The following RTN4 variants were observed in gnomAD, a reference collection of about 807,000 sequenced individuals.
RTN4 encodes reticulon 4.
RTN4 carries 32 observed loss-of-function variants against 90.4 expected under a neutral mutation model. The ratio of observed to expected loss-of-function variants is 0.35; its 90% confidence interval spans 0.27 to 0.48. The LOEUF is 0.48. Among genes scored for constraint, RTN4 ranks in the 20% least tolerant of loss-of-function variants. The pLI, the probability that RTN4 is intolerant of heterozygous loss-of-function variation, is 0.99. For synonymous variants in RTN4, 629 were observed against 552.5 expected (o/e 1.14, Z -1.94); for missense variants, 1,706 against 1,430.2 (o/e 1.19, Z -3.11).
At chr2:55,092,776 T>C (rs1366020374) in intron 1 of RTN4, among the ~76,000 whole-genome samples, 1 of 152,204 alleles carries the variant, frequency 6.6e-6, no homozygotes, top group African/African-American at 2.4e-5. Context: ...TTTTCCAATT[T>C]CAGTTTGGGG....
chr2:55,078,137 C>T (rs1668637042), intron 2 of RTN4, among the ~76,000 whole-genome samples: 1 of 151,798 alleles, frequency 6.6e-6, no homozygotes, highest in Admixed American at 6.6e-5. Flanking sequence ...AGAGCTTGTT[C>T]ATGTAACCAA....
At position 55,083,069 on chromosome 2, in the gene RTN4, C is replaced by T. The variant is rs188818519; in HGVS notation, c.-213-2430G>A. 3.0e-3 allele frequency among the ~76,000 whole-genome samples: 452 copies of T among 152,340 alleles called. 2 individuals are homozygous for T. The highest frequency in any genetic ancestry group is 6.4e-3 in the South Asian group (31 of 4,828). On this transcript the variant is annotated intron_variant, in intron 1 of 3. Transcript: ENST00000427710. ...AAATAACAGTAACAACATCAACAAC[C>T]ATCTAATGTAAACAATAGAGGAATG...
chr2:54,975,719 C>G (rs1677573423), intron 5 of RTN4, among the ~76,000 whole-genome samples: 1 of 152,214 alleles, frequency 6.6e-6, no homozygotes, highest in African/African-American at 2.4e-5. Flanking sequence ...CGAACTCTGA[C>G]TGAATGCTTA....
chr2:55,061,003 G>C (rs1399803001), intron 2 of RTN4, among the ~76,000 whole-genome samples: 3 of 151,598 alleles, frequency 2.0e-5, no homozygotes, highest in Non-Finnish European at 4.4e-5. Flanking sequence ...AGAATGTTAA[G>C]TAAATAACAG....
chr2:55,033,524 C>T (rs1321539802), intron 1 of RTN4, among the ~76,000 whole-genome samples: 1 of 152,186 alleles, frequency 6.6e-6, no homozygotes, highest in Admixed American at 6.5e-5. Context: ...AACCCTACCG[C>T]CTTCTTGTTT....
In RTN4 at chr2:54,984,143, A is replaced by T. The variant is rs550399843; in HGVS notation, c.3222-1490T>A. On this transcript the variant is annotated intron_variant, in intron 4 of 8. Coordinates refer to ENST00000337526, the MANE Select transcript of RTN4 (RefSeq NM_020532.5). ...TAGCCCCATCTCAAATCTCACCCATACATAGAGCCTTATCTGCCAATCTCT... is the reference window on the plus strand; with the variant it reads ...TAGCCCCATCTCAAATCTCACCCATTCATAGAGCCTTATCTGCCAATCTCT... Among the ~76,000 whole-genome samples, 91 of 152,270 alleles carry T rather than the reference A, an allele frequency of 6.0e-4. 1 individual carries two copies. Among genetic ancestry groups the T allele is most frequent in the African/African-American group, 1.9e-3 (78 of 41,544 alleles).
At chr2:55,048,465 G>T (rs995295315) in intron 1 of RTN4, among the ~76,000 whole-genome samples, 1 of 151,946 alleles carries the variant, frequency 6.6e-6, no homozygotes, top group Admixed American at 6.6e-5. Flanking sequence ...CTATAGAAAA[G>T]AAATTTTATA....
intron 1 of RTN4, among the ~76,000 whole-genome samples, chr2:55,035,912 A>C (rs1682645857): frequency 6.6e-6 from 1 of 152,172 alleles, no homozygotes; most frequent in Non-Finnish European, 1.5e-5. Flanking sequence ...AAATAGATGC[A>C]TTCCTTGAAA....
At chr2:55,009,999 CA>C in intron 3 of RTN4, 1 of 1,470,288 alleles carries the variant, frequency 6.8e-7, no homozygotes, top group South Asian at 1.2e-5. Flanking sequence ...ACTTTCAATC[CA>C]AAATATCTAA....
At chr2:54,973,682 T>A in intron 7 of RTN4, 61 bp from the exon 8 acceptor site, 2 of 1,504,980 alleles carry the variant, frequency 1.3e-6, no homozygotes, top group South Asian at 2.3e-5. Flanking sequence ...ACCACTACTA[T>A]GTGTCAAGCT....
chr2:54,977,588 A>G (rs993456071), intron 5 of RTN4, among the ~76,000 whole-genome samples: 25 of 152,296 alleles, frequency 1.6e-4, no homozygotes, highest in Admixed American at 1.2e-3. Flanking sequence ...GAACCTGCTA[A>G]GAAGGCTCAG....
upstream of RTN4, among the ~76,000 whole-genome samples, chr2:55,116,397 G>T (rs942768276): frequency 6.6e-6 from 1 of 152,188 alleles, no homozygotes; most frequent in Non-Finnish European, 1.5e-5. Context: ...CAGTGGTTAA[G>T]AGTGTTAAAA....
At chr2:54,973,758 C>CGTAAATCCCATGTAATAGA in intron 7 of RTN4, 63 bp downstream of exon 7, 1 of 1,539,346 alleles carries the variant, frequency 6.5e-7, no homozygotes, top group South Asian at 1.1e-5. Context: ...CTAATACATC[C>CGTAAATCCCATGTAATAGA]GTAAATCCCA....
chr2:54,991,326 T>C (rs1279538786), intron 3 of RTN4, among the ~76,000 whole-genome samples: 2 of 152,212 alleles, frequency 1.3e-5, no homozygotes, highest in Non-Finnish European at 2.9e-5. Flanking sequence ...CTTCCTAATA[T>C]TATAACAGAG....
upstream of RTN4, among the ~76,000 whole-genome samples, chr2:55,055,299 T>G (rs1204889310): frequency 6.6e-6 from 1 of 151,880 alleles, no homozygotes; most frequent in East Asian, 1.9e-4. Context: ...TGTCCTCATA[T>G]GAAGAAAGAA....
intron 1 of RTN4, among the ~76,000 whole-genome samples, chr2:55,094,489 A>G (rs1279890647): frequency 6.6e-6 from 1 of 152,208 alleles, no homozygotes; most frequent in African/African-American, 2.4e-5. Flanking sequence ...GCAGTGACCA[A>G]TCAGGTGAGC....
the RTN4 span, among the ~76,000 whole-genome samples, chr2:55,119,728 A>C: frequency 6.6e-6 from 1 of 152,160 alleles, no homozygotes; most frequent in East Asian, 1.9e-4. Context: ...TCCCAGGGCA[A>C]CCTTGCTCCC....
intron 1 of RTN4, among the ~76,000 whole-genome samples, chr2:55,102,783 T>G (rs936348774): frequency 6.6e-6 from 1 of 152,158 alleles, no homozygotes; most frequent in African/African-American, 2.4e-5. Context: ...AAAACTCTAT[T>G]GTTTTTCTAA....
upstream of RTN4, among the ~76,000 whole-genome samples, chr2:55,054,085 G>A (rs755940894): frequency 2.6e-5 from 4 of 152,054 alleles, no homozygotes; most frequent in Non-Finnish European, 4.4e-5. Flanking sequence ...AATTACACTT[G>A]TACCCATAAA....
Sources: gnomAD v4.1 joint callset for allele counts (sites outside exome capture counted in the v4.1 genomes callset) on GRCh38, gnomAD v4.1.1 for gene constraint, MANE v1.5 for transcripts, NCBI Gene and HGNC (gene_info 2026-07-23, HGNC 2026-07-21) for gene names.